The following LYRM4 variants were observed in gnomAD, a reference collection of about 807,000 sequenced individuals.
The protein encoded by LYRM4 is LYR motif containing 4, also known as LYR motif-containing protein 4.
LYRM4 carries 9 observed loss-of-function variants against 11.7 expected under a neutral mutation model. The ratio of observed to expected loss-of-function variants is 0.77; its 90% CI spans 0.46 to 1.34. The LOEUF is 1.34. LYRM4 is among the 40% of genes most tolerant of loss of function. The probability of loss-of-function intolerance (pLI) is 0.00; values close to 1 mark genes in which losing one functional copy is unlikely to be tolerated. For synonymous variants in LYRM4, 42 were observed against 40.4 expected, an observed-to-expected ratio of 1.04 and a Z score of -0.15; for missense variants, 133 against 112.5, an observed-to-expected ratio of 1.18 and a Z score of -0.82.
At chr6:5,256,352 T>G (rs1764666093) in intron 1 of LYRM4, among the ~76,000 whole-genome samples, 1 of 151,578 alleles carries the variant, frequency 6.6e-6, no homozygotes, top group Non-Finnish European at 1.5e-5. Flanking sequence ...TAGCCAGGCG[T>G]AGTGGCAGGC....
At chr6:5,163,014 T>A (rs1758860239) in intron 2 of LYRM4, among the ~76,000 whole-genome samples, 1 of 152,188 alleles carries the variant, frequency 6.6e-6, no homozygotes, top group Admixed American at 6.5e-5. Context: ...TTTTCATATG[T>A]TTTCTTCCTT....
the LYRM4 span, among the ~76,000 whole-genome samples, chr6:5,060,177 T>C: frequency 6.6e-6 from 1 of 152,260 alleles, no homozygotes; most frequent in Non-Finnish European, 1.5e-5. Flanking sequence ...TGGGATCAAG[T>C]TCTAGAAGCA....
chr6:5,099,909 A>G (rs1762448555), downstream of LYRM4, among the ~76,000 whole-genome samples: 1 of 152,226 alleles, frequency 6.6e-6, no homozygotes, highest in African/African-American at 2.4e-5. The surrounding 1 kb of genome is among the most constrained non-coding windows in gnomAD (Gnocchi z 4.3). Flanking sequence ...AAGACAGCGT[A>G]TCTGCACTTG....
intron 1 of LYRM4, among the ~76,000 whole-genome samples, chr6:5,235,435 C>A (rs1180982442): frequency 2.0e-5 from 3 of 152,130 alleles, no homozygotes; most frequent in Non-Finnish European, 4.4e-5. Flanking sequence ...TGATATATAT[C>A]AATAGACTAA....
At position 5,175,485 on chromosome 6, in the gene LYRM4, T is replaced by C. The variant is rs73719722; in HGVS notation, c.207+41133A>G. On this transcript the variant is annotated intron_variant, in intron 2 of 2. Transcript: ENST00000330636. ...AGGTGGAGTTCTAGGCCCTTATCCT[T>C]GAACTGGATTGAGGAAGGGATGGGA... Among the ~76,000 whole-genome samples, 495 of 152,210 alleles carry C rather than the reference T, an allele frequency of 3.3e-3. 6 individuals are homozygous for C. Among genetic ancestry groups the C allele is most frequent in the African/African-American group, 0.011 (469 of 41,532 alleles).
intron 2 of LYRM4, among the ~76,000 whole-genome samples, chr6:5,114,814 A>G (rs1003236536): frequency 2.0e-5 from 3 of 152,162 alleles, no homozygotes; most frequent in Non-Finnish European, 4.4e-5. Context: ...GGCCACATTC[A>G]AAGCCATCCT....
chr6:5,056,168 C>CT, the LYRM4 span, among the ~76,000 whole-genome samples: 8 of 152,080 alleles, frequency 5.3e-5, no homozygotes, highest in African/African-American at 1.9e-4. Context: ...GCCTGCCTGG[C>CT]TTTTTTGCAA....
chr6:5,141,457 T>C (rs1286200296), intron 2 of LYRM4, among the ~76,000 whole-genome samples: 1 of 152,226 alleles, frequency 6.6e-6, no homozygotes, highest in African/African-American at 2.4e-5. Context: ...TTCAATAGCC[T>C]GGGCAGGAAC....
chr6:5,073,685 C>G, the LYRM4 span, among the ~76,000 whole-genome samples: 99,533 of 151,442 alleles, frequency 0.66, 33,807 homozygotes, highest in East Asian at 0.89. Context: ...CCATGATCAC[C>G]ATAAAATAAA....
At chr6:5,175,641 G>C (rs1759672723) in intron 2 of LYRM4, among the ~76,000 whole-genome samples, 1 of 152,174 alleles carries the variant, frequency 6.6e-6, no homozygotes, top group African/African-American at 2.4e-5. Flanking sequence ...TGACACCCCT[G>C]CCATTGAGAA....
chr6:5,051,706 G>T, the LYRM4 span, among the ~76,000 whole-genome samples: 2 of 152,156 alleles, frequency 1.3e-5, no homozygotes, highest in South Asian at 4.1e-4. Context: ...TATAAAGAAT[G>T]CCTGTTGCTA....
At chr6:5,129,870 G>A (rs1003984132) in intron 2 of LYRM4, among the ~76,000 whole-genome samples, 11 of 152,234 alleles carry the variant, frequency 7.2e-5, no homozygotes, top group African/African-American at 2.7e-4. Context: ...AGAGCGCAAA[G>A]CAGCCCAACA....
In LYRM4 at chr6:5,117,761, A is replaced by G. The variant is rs182169265; in HGVS notation, c.208-8270T>C. ...TACACAACTGTAGTCCCAGCTACTC[A>G]GGAATCTAAGGTGGGAAGGTTGCTT... On this transcript the variant is annotated intron_variant, in intron 2 of 2. Coordinates refer to ENST00000330636, the MANE Select transcript of LYRM4 (RefSeq NM_020408.6). Among the ~76,000 whole-genome samples the G allele has an allele frequency of 4.7e-4, 72 of 152,220 alleles. 1 individual carries two copies. Among genetic ancestry groups the G allele is most frequent in the Middle Eastern group, 6.8e-3 (2 of 294 alleles).
At chr6:5,135,919 C>T (rs1360271487) in intron 2 of LYRM4, among the ~76,000 whole-genome samples, 1 of 152,192 alleles carries the variant, frequency 6.6e-6, no homozygotes, top group Non-Finnish European at 1.5e-5. Flanking sequence ...CTCCATTCTC[C>T]CTCCCCTCCA....
At chr6:5,105,813 CA>C, downstream of LYRM4, 2 of 154,334 alleles carry the variant, frequency 1.3e-5, no homozygotes, top group Non-Finnish European at 2.9e-5. Flanking sequence ...GACTCTGTCT[CA>C]AAAAAACAAA....
chr6:5,097,506 A>T, the LYRM4 span, among the ~76,000 whole-genome samples: 1 of 152,114 alleles, frequency 6.6e-6, no homozygotes, highest in East Asian at 1.9e-4. Flanking sequence ...GAGCCACCGC[A>T]CCTGGATCAT....
At chr6:5,125,211 C>T (rs964934095) in intron 2 of LYRM4, among the ~76,000 whole-genome samples, 4 of 152,188 alleles carry the variant, frequency 2.6e-5, no homozygotes, top group Admixed American at 2.6e-4. Flanking sequence ...ATCACATCAA[C>T]CCATGGCCCA....
intron 2 of LYRM4, among the ~76,000 whole-genome samples, chr6:5,148,665 CTCT>C (rs1757917632): frequency 7.1e-5 from 1 of 14,100 alleles, no homozygotes; most frequent in East Asian, 7.4e-3. Context: ...ACACACACCT[CTCT>C]CTCTCTCTCT....
chr6:5,109,869 G>C (rs941509220), intron 2 of LYRM4, among the ~76,000 whole-genome samples: 17 of 152,224 alleles, frequency 1.1e-4, no homozygotes, highest in African/African-American at 3.1e-4. Flanking sequence ...CATAGGGAAG[G>C]GGTTTTAGAA....
Sources: gnomAD v4.1 joint callset for allele counts (sites outside exome capture counted in the v4.1 genomes callset) on GRCh38, gnomAD v4.1.1 for gene constraint, Gnocchi (gnomAD v3.1) non-coding constraint, MANE v1.5 for transcripts, NCBI Gene and HGNC (gene_info 2026-07-23, HGNC 2026-07-21) for gene names.